Variants in KALRN observed in about 807,000 individuals in gnomAD.
The protein encoded by KALRN is kalirin RhoGEF kinase, also known as kalirin.
A neutral mutation model predicts 353.7 loss-of-function variants in KALRN; 70 were observed. The observed-to-expected ratio is 0.20, with a 90% CI of 0.16 to 0.24. The LOEUF is 0.24. Ranked by LOEUF, KALRN falls within the 10% of genes least tolerant of loss-of-function variation. The pLI is 1.00. For missense variants in KALRN, 2,791 were observed against 3,756.7 expected (o/e 0.74, Z 6.72); for synonymous variants, 1,391 against 1,434.8 (o/e 0.97, Z 0.69).
chr3:124,143,594 A>G (rs2066905120), intron 1 of KALRN, among the ~76,000 whole-genome samples: 2 of 152,186 alleles, frequency 1.3e-5, no homozygotes, highest in Non-Finnish European at 2.9e-5. Flanking sequence ...AGCCTCACAG[A>G]GTGCTAGGAA....
chr3:124,718,902 C>T, intron 59 of KALRN, 23 bp from the exon 60 acceptor site: 1 of 1,600,596 alleles, frequency 6.2e-7, no homozygotes, highest in East Asian at 2.2e-5. Flanking sequence ...TTCTTTTCTC[C>T]CTGCTTCCTT....
At chr3:124,715,450 ACT>A (rs1179798628) in intron 58 of KALRN, among the ~76,000 whole-genome samples, 9 of 151,962 alleles carry the variant, frequency 5.9e-5, no homozygotes, top group Admixed American at 6.6e-5. Flanking sequence ...GGTGGCTAAG[ACT>A]CTCTCACTTG....
chr3:124,117,332 T>C (rs1017824888), intron 1 of KALRN, among the ~76,000 whole-genome samples: 5 of 151,912 alleles, frequency 3.3e-5, no homozygotes, highest in East Asian at 1.9e-4. Flanking sequence ...TTTTTTTTTT[T>C]CCCTTGAACA....
intron 21 of KALRN, among the ~76,000 whole-genome samples, chr3:124,452,356 A>G (rs1285368299): frequency 2.6e-5 from 4 of 152,158 alleles, no homozygotes. Context: ...TATGCTTACT[A>G]TTTTCTAGAC....
At chr3:124,513,730 A>G (rs1325002971) in intron 33 of KALRN, among the ~76,000 whole-genome samples, 1 of 152,218 alleles carries the variant, frequency 6.6e-6, no homozygotes, top group Admixed American at 6.5e-5. Context: ...TGGCAAGAGG[A>G]AAAACATAGA....
chr3:124,452,761 G>C (rs1328962439), intron 21 of KALRN, among the ~76,000 whole-genome samples: 1 of 152,178 alleles, frequency 6.6e-6, no homozygotes, highest in Non-Finnish European at 1.5e-5. Flanking sequence ...TGCTCCTCTA[G>C]TCCCCACACA....
At chr3:124,491,171 G>A (rs1286243375) in intron 30 of KALRN, 152 bp from the exon 31 acceptor site, 2 of 581,474 alleles carry the variant, frequency 3.4e-6, no homozygotes, top group Non-Finnish European at 6.0e-6. Context: ...ATCCTGGGTA[G>A]ATGAACAGAA....
At chr3:124,192,878 C>G (rs953470122) in intron 1 of KALRN, among the ~76,000 whole-genome samples, 29 of 152,200 alleles carry the variant, frequency 1.9e-4, no homozygotes, top group African/African-American at 7.0e-4. Context: ...AAGCTACAGT[C>G]TGTGGGGTGT....
intron 4 of KALRN, among the ~76,000 whole-genome samples, chr3:124,265,186 A>G (rs2073355377): frequency 6.6e-6 from 1 of 152,020 alleles, no homozygotes; most frequent in Admixed American, 6.6e-5. Context: ...CTTTTGAAAT[A>G]TACCATAAAT....
At chr3:124,672,872 C>T (rs931929799) in intron 48 of KALRN, among the ~76,000 whole-genome samples, 1 of 152,182 alleles carries the variant, frequency 6.6e-6, no homozygotes, top group Non-Finnish European at 1.5e-5. Context: ...TGAATAGGAA[C>T]ACTTACATTT....
intron 1 of KALRN, among the ~76,000 whole-genome samples, chr3:124,060,117 A>T (rs1299910448): frequency 6.6e-6 from 1 of 152,126 alleles, no homozygotes; most frequent in African/African-American, 2.4e-5. Context: ...TCCATTCTCC[A>T]CTGGCTTCGC....
chr3:124,656,756 A>G (rs1381381562), intron 39 of KALRN, among the ~76,000 whole-genome samples: 1 of 152,228 alleles, frequency 6.6e-6, no homozygotes, highest in Non-Finnish European at 1.5e-5. Flanking sequence ...GCTTATTCTG[A>G]ATCTTGGATA....
In KALRN at chr3:124,170,831, CTTTTTTTTTTTTTTTTTTTTTTTT is replaced by C. The variant is rs752783614; in HGVS notation, c.74-57143_74-57120del. On this transcript the variant is annotated intron_variant, in intron 1 of 59. Transcript: ENST00000682506. The stretch of plus-strand genomic sequence containing the variant: ...TATAAACTCCTTCCACTTCCACATT[CTTTTTTTTTTTTTTTTTTTTTTTT>C]TTTTTTTTTTTTTTTGAGACATGGT... 5.7e-4 allele frequency among the ~76,000 whole-genome samples: 27 copies of C among 47,150 alleles called. 1 individual carries two copies. The highest frequency in any genetic ancestry group is 3.5e-4 in the Non-Finnish European group (9 of 25,528). 30.9% of individuals were successfully genotyped at this position (47,150 alleles called of 152,430 possible).
chr3:124,316,933 T>C (rs1347805473), intron 6 of KALRN, among the ~76,000 whole-genome samples: 1 of 152,226 alleles, frequency 6.6e-6, no homozygotes, highest in East Asian at 1.9e-4. Context: ...GTTGCCTTAA[T>C]CTTGAACTTT....
intron 59 of KALRN, 39 bp downstream of exon 59, chr3:124,717,424 C>G (rs187460478): frequency 1.3e-6 from 2 of 1,496,118 alleles, no homozygotes; most frequent in African/African-American, 2.8e-5. Context: ...CAGTGGCTCA[C>G]GCCTGAAATC....
chr3:124,190,320 A>T (rs2074764921), intron 1 of KALRN, among the ~76,000 whole-genome samples: 1 of 152,108 alleles, frequency 6.6e-6, no homozygotes, highest in Non-Finnish European at 1.5e-5. Context: ...CAGTGGAGTT[A>T]TATGTCTGAG....
At chr3:124,439,120 T>A (rs1483241802) in intron 18 of KALRN, 83 bp downstream of exon 18, 1 of 1,355,866 alleles carries the variant, frequency 7.4e-7, no homozygotes, top group African/African-American at 1.5e-5. Context: ...TTCTCTTTTC[T>A]TTCTTTCTCT....
intron 11 of KALRN, among the ~76,000 whole-genome samples, chr3:124,391,475 G>T (rs975210839): frequency 1.3e-5 from 2 of 152,172 alleles, no homozygotes; most frequent in Admixed American, 6.5e-5. Flanking sequence ...TGACAGAAAA[G>T]ATCGTTCTGG....
chr3:124,209,570 G>A (rs1248953454), intron 1 of KALRN, among the ~76,000 whole-genome samples: 1 of 150,430 alleles, frequency 6.6e-6, no homozygotes, highest in Non-Finnish European at 1.5e-5. Context: ...GAGTAGCTCT[G>A]CATCTCAGGC....
Sources: gnomAD v4.1 joint callset for allele counts (sites outside exome capture counted in the v4.1 genomes callset) on GRCh38, gnomAD v4.1.1 for gene constraint, MANE v1.5 for transcripts, NCBI Gene and HGNC (gene_info 2026-07-23, HGNC 2026-07-21) for gene names.